The following L3MBTL2 variants were observed in gnomAD, a reference collection of about 807,000 sequenced individuals.
L3MBTL2 encodes L3MBTL histone methyl-lysine binding protein 2.
A neutral mutation model predicts 86.4 loss-of-function variants in L3MBTL2; 49 were observed. That is an observed-to-expected ratio of 0.57 (90% confidence interval 0.45 to 0.72). The LOEUF is 0.72. Ranked by LOEUF, L3MBTL2 falls within the 30% of genes least tolerant of loss-of-function variation. L3MBTL2 has a pLI of 0.00. For synonymous variants in L3MBTL2, 336 were observed against 350.6 expected (o/e 0.96, Z 0.47); for missense variants, 755 against 923.7 (o/e 0.82, Z 2.37).
At chr22:41,226,894 G>C in intron 13 of L3MBTL2, 150 bp downstream of exon 13, 1 of 745,244 alleles carries the variant, frequency 1.3e-6, no homozygotes, top group Non-Finnish European at 2.2e-6. Context: ...GCTATGGCCT[G>C]GGCACTCCAG....
In L3MBTL2 at chr22:41,216,150, G is replaced by A. The variant is rs536318588; in HGVS notation, c.408G>A (p.Pro136=). ...SILARLQGKP[P]TKKAKVLHKA... ...GTCCTCCTCTCCAGGGAAAACCACCGACCAAAAAAGCCAAAGTCCTGCACA... is the reference window on the plus strand; with the variant it reads ...GTCCTCCTCTCCAGGGAAAACCACCAACCAAAAAAGCCAAAGTCCTGCACA... Residue 136 remains proline, a synonymous_variant, in exon 4 of 17, where the codon CCG becomes CCA. Transcript: ENST00000216237. 8.7e-6 allele frequency: 14 copies of A among 1,613,376 alleles called. No homozygotes were observed. Among genetic ancestry groups the A allele is most frequent in the African/African-American group, 2.7e-5 (2 of 75,018 alleles).
rs1472238250 is a variant in L3MBTL2 at position 41,230,749 on chromosome 22, A to G, written c.*498A>G. The G allele has an allele frequency of 6.5e-6, 1 of 153,968 alleles. No homozygotes were observed. Among genetic ancestry groups the G allele is most frequent in the East Asian group, 1.9e-4 (1 of 5,208 alleles). The allele number at this position is 153,968 out of a possible 1,614,324, so 9.5% of individuals were successfully genotyped here. A position where few individuals can be genotyped will look rare whatever the true frequency, so the allele number is the denominator to read the frequency against. Reference sequence around the variant, plus strand: ...GGTGGGGGCAGCCTCTGCCTCAAAAATTCACCAAGCAGAATGCCTCTCAGC... The same window carrying G: ...GGTGGGGGCAGCCTCTGCCTCAAAAGTTCACCAAGCAGAATGCCTCTCAGC... On this transcript the variant is annotated 3_prime_UTR_variant, in exon 17 of 17. Coordinates refer to ENST00000216237, the MANE Select transcript of L3MBTL2 (RefSeq NM_031488.5).
intron 5 of L3MBTL2, 136 bp from the exon 6 acceptor site, chr22:41,219,283 G>A (rs1322679561): frequency 3.8e-5 from 26 of 675,412 alleles, no homozygotes; most frequent in Non-Finnish European, 5.5e-6. Context: ...TTTATCTCTA[G>A]TAGCTGGTTC....
At position 41,217,114 on chromosome 22, in the gene L3MBTL2, G is replaced by C; in HGVS notation, c.521-9G>C. On this transcript the variant is annotated splice_polypyrimidine_tract_variant and intron_variant, in intron 4 of 16. Coordinates refer to ENST00000216237, the MANE Select transcript of L3MBTL2 (RefSeq NM_031488.5). ...GCTCCTAGTCTGACTCGTCCTCTCT[G>C]CTCTGCAGCTCTGGTCTTGGGCTTC... 6.2e-7 allele frequency: 1 copy of C among 1,612,838 alleles called. No individual in the cohort carries two copies. The highest frequency in any genetic ancestry group is 8.5e-7 in the Non-Finnish European group (1 of 1,179,224).
intron 3 of L3MBTL2, among the ~76,000 whole-genome samples, chr22:41,215,685 C>G (rs184845755): frequency 6.7e-6 from 1 of 150,052 alleles, no homozygotes; most frequent in Non-Finnish European, 1.5e-5. Flanking sequence ...GACCCTCTCC[C>G]GAACATTCGC....
At chr22:41,221,355 C>T (rs1176681394) in intron 8 of L3MBTL2, 68 bp downstream of exon 8, 1 of 1,298,534 alleles carries the variant, frequency 7.7e-7, no homozygotes, top group Non-Finnish European at 1.1e-6. Flanking sequence ...CTGCATGCCA[C>T]TCACTGGAGC....
At chr22:41,206,938 C>G (rs573760185) in intron 1 of L3MBTL2, among the ~76,000 whole-genome samples, 14 of 152,258 alleles carry the variant, frequency 9.2e-5, no homozygotes, top group African/African-American at 3.1e-4. Flanking sequence ...GCAAGTCACA[C>G]TTTTAGAGCT....
Position 41,227,369 on chromosome 22 carries a change from T to A in L3MBTL2, c.1822+46T>A. The A allele has an allele frequency of 1.3e-6, 2 of 1,510,950 alleles. No homozygotes were observed. Among genetic ancestry groups the A allele is most frequent in the Non-Finnish European group, 1.8e-6 (2 of 1,110,598 alleles). The allele number at this position is 1,510,950 out of a possible 1,614,324, so 93.6% of individuals were successfully genotyped here. A position where few individuals can be genotyped will look rare whatever the true frequency, so the allele number is the denominator to read the frequency against. On this transcript the variant is annotated intron_variant, in intron 14 of 16. Coordinates refer to ENST00000216237, the MANE Select transcript of L3MBTL2 (RefSeq NM_031488.5). The surrounding 1 kb of genome is among the most constrained non-coding windows in gnomAD (Gnocchi z 6.0). ...AAGAGGCTCTGACTTTCTTTCCTCT[T>A]CTTTTTTCCTTCTTCCCCCGCCCCT...
chr22:41,210,450 C>T (rs2030654712), intron 2 of L3MBTL2, among the ~76,000 whole-genome samples: 1 of 152,198 alleles, frequency 6.6e-6, no homozygotes, highest in Non-Finnish European at 1.5e-5. Context: ...CTGCCTCAGC[C>T]TCCTGAGTAG....
At chr22:41,208,560 G>A (rs1008712299) in intron 1 of L3MBTL2, 2 of 250,182 alleles carry the variant, frequency 8.0e-6, no homozygotes, top group East Asian at 1.5e-4. Flanking sequence ...CTTGCCCAAG[G>A]CCCTATAGCT....
chr22:41,229,066 T>C (rs532796809), intron 15 of L3MBTL2, among the ~76,000 whole-genome samples: 1 of 152,186 alleles, frequency 6.6e-6, no homozygotes, highest in Admixed American at 6.5e-5. Flanking sequence ...GAGACCAGCC[T>C]GGGCAACATA....
chr22:41,217,054 T>C, intron 4 of L3MBTL2, 69 bp from the exon 5 acceptor site: 2 of 1,322,616 alleles, frequency 1.5e-6, no homozygotes, highest in South Asian at 1.2e-5. Context: ...CACAGGGCCC[T>C]TGGGGTCCAG....
chr22:41,225,986 G>C lies in L3MBTL2; in HGVS notation c.1504+45G>C, dbSNP rs774561322. The C allele has an allele frequency of 4.4e-6, 7 of 1,602,732 alleles. No individual in the cohort carries two copies. In the South Asian group the frequency reaches 7.7e-5, roughly 18 times the overall value. On this transcript the variant is annotated intron_variant, in intron 12 of 16. Coordinates refer to ENST00000216237, the MANE Select transcript of L3MBTL2 (RefSeq NM_031488.5). This position sits in a 1 kb window ranked among gnomAD's most constrained non-coding sequence, Gnocchi z 4.1. ...CACCTGCTGTCCTTGCCATCAGAAG[G>C]GGCAGGGTGTCCAGGCGCGGTGGCT...
intron 16 of L3MBTL2, 94 bp downstream of exon 16, chr22:41,229,750 G>A (rs1393674213): frequency 6.2e-7 from 1 of 1,603,396 alleles, no homozygotes; most frequent in Non-Finnish European, 8.5e-7. Context: ...GAAGAGTAGA[G>A]TCAGGTTTCT....
chr22:41,230,035 A>AG, intron 16 of L3MBTL2, 104 bp from the exon 17 acceptor site: 1 of 820,666 alleles, frequency 1.2e-6, no homozygotes, highest in Non-Finnish European at 2.0e-6. Flanking sequence ...GGTGCATCCT[A>AG]GGCCCCCATC....
chr22:41,219,456 G>A lies in L3MBTL2; in HGVS notation c.638G>A (p.Gly213Glu). The A allele has an allele frequency of 6.2e-7, 1 of 1,613,930 alleles. No individual in the cohort carries two copies. Among genetic ancestry groups the A allele is most frequent in the East Asian group, 2.2e-5 (1 of 44,878 alleles). Residue 213 changes from glycine (G) to glutamate (E), a missense_variant, in exon 6 of 17, where the codon GGG becomes GAG. By Grantham distance (98) the Gly-to-Glu change is moderately conservative. This residue lies in a region of L3MBTL2 where 634 missense variants were observed against 748.9 expected (regional missense o/e 0.85). Transcript: ENST00000216237. ...GACCAGTGGGAGGATGTGATGAAAG[G>A]GATGAAGGTGGAGGTGCTCAACAGT... ...LYDQWEDVMK[G>E]MKVEVLNSDA...
chr22:41,218,014 C>A (rs1303351476), intron 5 of L3MBTL2: 3 of 152,202 alleles, frequency 2.0e-5, no homozygotes, highest in Non-Finnish European at 2.9e-5. Flanking sequence ...GCCCTGAATT[C>A]TCTAATAGTT....
At position 41,227,750 on chromosome 22, in the gene L3MBTL2, T is replaced by C; in HGVS notation, c.1823-54T>C. 1 of 1,611,940 alleles carries C rather than the reference T, an allele frequency of 6.2e-7. No individual in the cohort carries two copies. The highest frequency in any genetic ancestry group is 8.5e-7 in the Non-Finnish European group (1 of 1,178,588). On this transcript the variant is annotated intron_variant, in intron 14 of 16. Transcript: ENST00000216237. This position sits in a 1 kb window ranked among gnomAD's most constrained non-coding sequence, Gnocchi z 6.0. ...GGTCTCGGGATGCGCCTGTGCCCTG[T>C]GTCCTCCCAGGGACCCTCTTCTCAT...
chr22:41,215,944 G>A (rs567298031), intron 3 of L3MBTL2, among the ~76,000 whole-genome samples, 195 bp from the exon 4 acceptor site: 5 of 152,034 alleles, frequency 3.3e-5, no homozygotes, highest in Admixed American at 1.3e-4. Flanking sequence ...GCACCCCCTA[G>A]CACCCCCGAC....
Sources: gnomAD v4.1 joint callset for allele counts (sites outside exome capture counted in the v4.1 genomes callset) on GRCh38, gnomAD v4.1.1 for gene constraint, gnomAD v4.1.1 regional missense constraint, Gnocchi (gnomAD v3.1) non-coding constraint, MANE v1.5 for transcripts, NCBI Gene and HGNC (gene_info 2026-07-23, HGNC 2026-07-21) for gene names.